KIFBP: variants seen among roughly 807,000 people sequenced by gnomAD.
KIFBP encodes KIF-binding protein.
Under a neutral mutation model 58.9 loss-of-function variants are expected in KIFBP, and 46 were observed. The ratio of observed to expected loss-of-function variants is 0.78; its 90% confidence interval spans 0.62 to 1.00. The LOEUF (loss-of-function observed/expected upper bound fraction) is 1.00, where lower values mean the gene tolerates loss of function less well. Among genes scored for constraint, KIFBP ranks in the 50% least tolerant of loss-of-function variants. KIFBP has a pLI of 0.00. For synonymous variants in KIFBP, 241 were observed against 283.4 expected (o/e 0.85, Z 1.50); for missense variants, 651 against 752.9 (o/e 0.86, Z 1.58).
At chr10:68,993,129 C>T (rs1564634092) in intron 1 of KIFBP, among the ~76,000 whole-genome samples, 1 of 152,178 alleles carries the variant, frequency 6.6e-6, no homozygotes, top group African/African-American at 2.4e-5. Context: ...CTTCTTAGTT[C>T]ACATCGTGTT....
At chr10:68,996,089 C>T (rs555708340) in intron 1 of KIFBP, among the ~76,000 whole-genome samples, 17 of 151,282 alleles carry the variant, frequency 1.1e-4, no homozygotes, top group East Asian at 7.8e-4. Flanking sequence ...ACCCGGGAGG[C>T]GGAGGTTGCA....
At position 69,008,129 on chromosome 10, in the gene KIFBP, A is replaced by T. The variant is rs541630373; in HGVS notation, c.790-712A>T. 2.0e-5 allele frequency among the ~76,000 whole-genome samples: 3 copies of T among 151,926 alleles called. No homozygotes were observed. In the South Asian group the frequency reaches 6.2e-4, roughly 32 times the overall value. ...AAAGGGGCTCTCTAAACCTAATAAA[A>T]ATTAAATCCTCAGGCTGGGCAAGGT... On this transcript the variant is annotated intron_variant, in intron 4 of 6. Coordinates refer to ENST00000361983, the MANE Select transcript of KIFBP (RefSeq NM_015634.4).
intron 1 of KIFBP, among the ~76,000 whole-genome samples, chr10:68,994,122 G>A (rs1186948624): frequency 6.6e-6 from 1 of 151,874 alleles, no homozygotes; most frequent in Non-Finnish European, 1.5e-5. Context: ...GGAGATCAAG[G>A]CTGCAGTAAG....
intron 2 of KIFBP, among the ~76,000 whole-genome samples, chr10:69,004,361 C>T (rs1016363977): frequency 4.6e-5 from 7 of 151,254 alleles, no homozygotes; most frequent in African/African-American, 1.7e-4. Flanking sequence ...AGCAAGACCC[C>T]CATCTCTAAA....
chr10:69,004,911 G>T (rs1431491501), intron 2 of KIFBP, 135 bp from the exon 3 acceptor site: 4 of 659,202 alleles, frequency 6.1e-6, no homozygotes, highest in Non-Finnish European at 1.1e-5. Flanking sequence ...TACTTCTTGA[G>T]TAACATAAAA....
rs777510043 is a variant in KIFBP at position 68,988,829 on chromosome 10, C to T, written c.-4C>T. 3.1e-6 allele frequency: 5 copies of T among 1,614,262 alleles called. No homozygotes were observed. Among genetic ancestry groups the T allele is most frequent in the Admixed American group, 1.7e-5 (1 of 60,038 alleles). On this transcript the variant is annotated 5_prime_UTR_variant, in exon 1 of 7. Transcript: ENST00000361983. ...TTGAGGAAAGCCAGGCAGTAGAGGC[C>T]GCTATGGCGAACGTTCCGTGGGCAG...
rs1434053871 is a variant in KIFBP, at chr10:69,008,389, A to AT, written c.790-452_790-451insT. ...GACCCCTGTCTCGTAAAAAAAAAAAAAAATATATATATATATATATATATA... is the reference window on the plus strand; with the variant it reads ...GACCCCTGTCTCGTAAAAAAAAAAAATAAATATATATATATATATATATATA... On this transcript the variant is annotated intron_variant, in intron 4 of 6. Transcript: ENST00000361983. Among the ~76,000 whole-genome samples the AT allele has an allele frequency of 1.8e-3, 99 of 56,566 alleles. 1 individual carries two copies. In the East Asian group the frequency reaches 0.024, roughly 14 times the overall value. The allele number at this position is 56,566 out of a possible 152,430, so 37.1% of individuals were successfully genotyped here.
Position 68,988,975 on chromosome 10 carries a change from C to G in KIFBP, c.143C>G (p.Ala48Gly), listed in dbSNP as rs1226222903. The change falls in exon 1 of 7, where the codon GCG becomes GGG. Residue 48 changes from alanine to glycine, a missense_variant. Ala to Gly is a moderately conservative substitution (Grantham distance 60). Coordinates refer to ENST00000361983, the MANE Select transcript of KIFBP (RefSeq NM_015634.4). ...SARALLEEVKALLGPAPEDED... is the reference protein window; with the variant it reads ...SARALLEEVKGLLGPAPEDED... ...CGGGCGCTACTGGAAGAGGTCAAGG[C>G]GCTGCTCGGCCCTGCGCCTGAGGAC... 1 of 1,614,130 alleles carries G rather than the reference C, an allele frequency of 6.2e-7. No homozygotes were observed. Among genetic ancestry groups the G allele is most frequent in the Non-Finnish European group, 8.5e-7 (1 of 1,180,050 alleles).
chr10:69,016,515 G>C lies in KIFBP; in HGVS notation c.*99G>C. The C allele has an allele frequency of 8.1e-7, 1 of 1,231,574 alleles. No homozygotes were observed. Among genetic ancestry groups the C allele is most frequent in the Non-Finnish European group, 1.2e-6 (1 of 852,100 alleles). 76.3% of individuals were successfully genotyped at this position (1,231,574 alleles called of 1,614,324 possible). A position where few individuals can be genotyped will look rare whatever the true frequency, so the allele number is the denominator to read the frequency against. On this transcript the variant is annotated 3_prime_UTR_variant, in exon 7 of 7. Transcript: ENST00000361983. Reference sequence around the variant, plus strand: ...TTGTGATGTTTACCTTTATAGCCAGGTGAGTGCAGTTTGAACTTGAGATAC... The same window carrying C: ...TTGTGATGTTTACCTTTATAGCCAGCTGAGTGCAGTTTGAACTTGAGATAC...
intron 6 of KIFBP, among the ~76,000 whole-genome samples, chr10:69,011,465 G>A (rs1458618258): frequency 6.7e-6 from 1 of 149,422 alleles, no homozygotes; most frequent in Non-Finnish European, 1.5e-5. Flanking sequence ...GTGATCATGG[G>A]TCACTGCAAC....
chr10:68,997,410 G>A lies in KIFBP; in HGVS notation c.427-3014G>A, dbSNP rs112088300. Among the ~76,000 whole-genome samples the A allele has an allele frequency of 4.3e-3, 654 of 152,212 alleles. 2 individuals are homozygous for A. The highest frequency in any genetic ancestry group is 0.014 in the African/African-American group (600 of 41,520). ...TCGTCTTGCTGTTCTCATGAGATCT[G>A]GTTGTTTGAAAGTGTATAGCACTTC... is the stretch of plus-strand genomic sequence containing the variant. On this transcript the variant is annotated intron_variant, in intron 1 of 6. Transcript: ENST00000361983.
rs1839008011 is a variant in KIFBP at position 69,016,503 on chromosome 10, C to T, written c.*87C>T. 1.5e-6 allele frequency: 2 copies of T among 1,374,188 alleles called. No homozygotes were observed. The highest frequency in any genetic ancestry group is 1.4e-5 in the African/African-American group (1 of 70,250). The allele number at this position is 1,374,188 out of a possible 1,614,324, so 85.1% of individuals were successfully genotyped here. A position where few individuals can be genotyped will look rare whatever the true frequency, so the allele number is the denominator to read the frequency against. On this transcript the variant is annotated 3_prime_UTR_variant, in exon 7 of 7. Coordinates refer to ENST00000361983, the MANE Select transcript of KIFBP (RefSeq NM_015634.4). ...GGCCCAATTCCATTGTGATGTTTAC[C>T]TTTATAGCCAGGTGAGTGCAGTTTG...
intron 1 of KIFBP, among the ~76,000 whole-genome samples, chr10:68,992,918 G>A (rs934045471): frequency 6.6e-6 from 1 of 152,106 alleles, no homozygotes; most frequent in Non-Finnish European, 1.5e-5. Context: ...GTCACAGTAG[G>A]GTTGGGGAGG....
intron 4 of KIFBP, among the ~76,000 whole-genome samples, chr10:69,006,521 A>G (rs576669609): frequency 6.6e-6 from 1 of 152,348 alleles, no homozygotes; most frequent in South Asian, 2.1e-4. Flanking sequence ...CATTGCTCAC[A>G]TCATGTTGGT....
chr10:69,005,174 G>T (rs1285539959), intron 3 of KIFBP, 49 bp downstream of exon 3: 22 of 1,324,572 alleles, frequency 1.7e-5, no homozygotes, highest in Non-Finnish European at 2.4e-5. Context: ...ACATATCATA[G>T]ATTAGTGATT....
At chr10:69,001,785 TA>T (rs1843469041) in intron 2 of KIFBP, among the ~76,000 whole-genome samples, 1 of 152,014 alleles carries the variant, frequency 6.6e-6, no homozygotes, top group East Asian at 1.9e-4. Context: ...AGTGCTTTTA[TA>T]ACATTAAAAA....
intron 1 of KIFBP, among the ~76,000 whole-genome samples, chr10:68,990,708 G>A (rs1429616369): frequency 6.6e-6 from 1 of 152,004 alleles, no homozygotes; most frequent in Non-Finnish European, 1.5e-5. Flanking sequence ...GAAAATCGCA[G>A]GGCTGAGGCA....
At chr10:69,010,411 G>A (rs1363181240) in intron 5 of KIFBP, among the ~76,000 whole-genome samples, 1 of 152,170 alleles carries the variant, frequency 6.6e-6, no homozygotes, top group East Asian at 1.9e-4. Context: ...AAAGCTTTGT[G>A]TTGACAGCTG....
At chr10:68,998,857 C>T (rs1278724212) in intron 1 of KIFBP, among the ~76,000 whole-genome samples, 4 of 143,922 alleles carry the variant, frequency 2.8e-5, no homozygotes, top group Admixed American at 7.2e-5. Context: ...CTCACTGTAA[C>T]CTCCACCTCC....
Sources: allele counts gnomAD v4.1 joint callset (sites outside exome capture counted in the v4.1 genomes callset), GRCh38; gene constraint gnomAD v4.1.1; transcripts MANE v1.5; gene names NCBI Gene and HGNC (gene_info 2026-07-23, HGNC 2026-07-21).